FREM3: variants seen among roughly 807,000 people sequenced by gnomAD.
The protein encoded by FREM3 is FRAS1-related extracellular matrix protein 3.
In FREM3, 105 loss-of-function variants were observed where a neutral mutation model predicts 129.1. The ratio of observed to expected loss-of-function variants is 0.81; its 90% confidence interval spans 0.69 to 0.96. The LOEUF (loss-of-function observed/expected upper bound fraction) is 0.96. FREM3 is among the 40% of genes least tolerant of loss of function. FREM3 has a pLI of 0.00. For synonymous variants in FREM3, 1,014 were observed against 1,044.9 expected (o/e 0.97, Z 0.57); for missense variants, 2,593 against 2,666.3 (o/e 0.97, Z 0.61).
chr4:143,666,968 G>A (rs1487200089), intron 2 of FREM3, among the ~76,000 whole-genome samples: 1 of 151,988 alleles, frequency 6.6e-6, no homozygotes, highest in Non-Finnish European at 1.5e-5. Context: ...TATGGTATAT[G>A]AATTATATCT....
At chr4:143,644,327 T>G (rs1739376941) in intron 2 of FREM3, among the ~76,000 whole-genome samples, 2 of 152,174 alleles carry the variant, frequency 1.3e-5, no homozygotes, top group Non-Finnish European at 2.9e-5. Context: ...ATACGTGAGC[T>G]CTTTCCATTT....
chr4:143,620,304 C>T (rs1039827728), intron 5 of FREM3, among the ~76,000 whole-genome samples: 10 of 152,200 alleles, frequency 6.6e-5, no homozygotes, highest in Non-Finnish European at 1.3e-4. Flanking sequence ...CTTTCTCATG[C>T]TTCTGCCTGT....
chr4:143,669,654 C>CG (rs958404280), intron 2 of FREM3, among the ~76,000 whole-genome samples: 2 of 145,332 alleles, frequency 1.4e-5, no homozygotes, highest in African/African-American at 5.1e-5. Context: ...TTTTTCAGTT[C>CG]GGAAAAAAAA....
In FREM3 at chr4:143,663,942, C is replaced by T. The variant is rs1739794876; in HGVS notation, c.5275+29171G>A. Among the ~76,000 whole-genome samples, 3 of 152,102 alleles carry T rather than the reference C, an allele frequency of 2.0e-5. No individual in the cohort carries two copies. In the South Asian group the frequency reaches 6.2e-4, roughly 32 times the overall value. On this transcript the variant is annotated intron_variant, in intron 2 of 7. Transcript: ENST00000329798. Reference sequence around the variant, plus strand: ...CCTTGGCTTTCAGCTCCATCAGCTCCTTTAAGCACTTCTCTGTATTGGTTA... The same window carrying T: ...CCTTGGCTTTCAGCTCCATCAGCTCTTTTAAGCACTTCTCTGTATTGGTTA...
At chr4:143,635,096 G>C (rs946755820) in intron 2 of FREM3, among the ~76,000 whole-genome samples, 8 of 152,158 alleles carry the variant, frequency 5.3e-5, no homozygotes, top group Non-Finnish European at 1.2e-4. Flanking sequence ...CAGGGACTTT[G>C]TGTAGCTGAC....
In FREM3 at chr4:143,660,930, A is replaced by C. The variant is rs558350384; in HGVS notation, c.5275+32183T>G. ...GAATGTTTGTGATTTTTGTACATTG[A>C]TTTTGTATCCTGAGACTTTGCTGAA... is the stretch of plus-strand genomic sequence containing the variant. On this transcript the variant is annotated intron_variant, in intron 2 of 7. Coordinates refer to ENST00000329798, the MANE Select transcript of FREM3 (RefSeq NM_001168235.2). Among the ~76,000 whole-genome samples, 35 of 152,232 alleles carry C rather than the reference A, an allele frequency of 2.3e-4. 1 individual carries two copies. The East Asian group carries it at 3.3e-3, about 14-fold the overall frequency.
intron 2 of FREM3, among the ~76,000 whole-genome samples, chr4:143,692,879 C>T (rs1016220495): frequency 2.0e-5 from 3 of 152,154 alleles, no homozygotes; most frequent in Admixed American, 6.5e-5. Context: ...TCACATTTCA[C>T]TCATCAAATT....
At position 143,699,363 on chromosome 4, in the gene FREM3, T is replaced by C. The variant is rs769403979; in HGVS notation, c.1313A>G (p.Asn438Ser). 7.8e-6 allele frequency: 12 copies of C among 1,537,198 alleles called. No individual in the cohort carries two copies. Among genetic ancestry groups the C allele is most frequent in the Non-Finnish European group, 9.6e-6 (11 of 1,146,932 alleles). Residue 438 changes from asparagine (N) to serine (S), a missense_variant, in exon 1 of 8, where the codon AAC becomes AGC. By Grantham distance (46) the Asn-to-Ser change is conservative (BLOSUM62 1). Transcript: ENST00000329798. This position sits in a 1 kb window ranked among gnomAD's most constrained non-coding sequence, Gnocchi z 4.2. ...MNTLVPVASH[N>S]RGLVLFEGQS... ...ACCTTCAAAAAGCACAAGTCCCCTG[T>C]TATGGCTAGCCACTGGGACCAGAGT...
rs572324281 is a variant in FREM3 at position 143,698,723 on chromosome 4, C to A, written c.1953G>T (p.Met651Ile). The A allele has an allele frequency of 1.2e-5, 18 of 1,537,308 alleles. No individual in the cohort carries two copies. The highest frequency in any genetic ancestry group is 1.1e-4 in the South Asian group (9 of 84,060). Residue 651 changes from methionine (M) to isoleucine (I), a missense_variant, in exon 1 of 8, where the codon ATG becomes ATT. Physicochemically the swap from Met to Ile is conservative, Grantham distance 10. Around this residue, in one of 2 missense-constraint regions of FREM3, gnomAD observed 2,276 missense variants for 2,267.2 expected, o/e 1.00. Coordinates refer to ENST00000329798, the MANE Select transcript of FREM3 (RefSeq NM_001168235.2). ...GATGGCGGTAGAAGAGTCTCCCTTC[C>A]ATTATGTCTCTCTGTAGCCACTCAG... The part of the protein sequence containing the change: ...VVTEWLQRDI[M>I]EGRLFYRHLG...
intron 6 of FREM3, among the ~76,000 whole-genome samples, chr4:143,603,757 T>C (rs571330705): frequency 5.0e-4 from 76 of 152,284 alleles, no homozygotes; most frequent in African/African-American, 1.7e-3. Context: ...CTAAATAATA[T>C]ACTTGTTGAA....
intron 2 of FREM3, among the ~76,000 whole-genome samples, chr4:143,681,525 T>C (rs1369087145): frequency 6.6e-6 from 1 of 152,158 alleles, no homozygotes; most frequent in African/African-American, 2.4e-5. Context: ...GCTTTCATAG[T>C]AACCTTGAAT....
rs750301979 is a variant in FREM3 at position 143,697,873 on chromosome 4, G to T, written c.2803C>A (p.His935Asn). ...GGACTTCTGTTAGCCACATTGGGAT[G>T]CACAGAAATTGGGATGGTGATGGGT... ...HIPITIPISV[H>N]PNVANRSPRI... The change falls in exon 1 of 8, where the codon CAT (histidine) becomes AAT (asparagine). Residue 935 changes from histidine (H) to asparagine (N), a missense_variant. Around this residue, in one of 2 missense-constraint regions of FREM3, gnomAD observed 2,276 missense variants for 2,267.2 expected, o/e 1.00. Coordinates refer to ENST00000329798, the MANE Select transcript of FREM3 (RefSeq NM_001168235.2). 1 of 1,537,850 alleles carries T rather than the reference G, an allele frequency of 6.5e-7. No homozygotes were observed. Among genetic ancestry groups the T allele is most frequent in the South Asian group, 1.2e-5 (1 of 84,052 alleles).
At position 143,612,483 on chromosome 4, in the gene FREM3, T is replaced by G. The variant is rs115781874; in HGVS notation, c.5780-956A>C. On this transcript the variant is annotated intron_variant, in intron 5 of 7. Transcript: ENST00000329798. ...CTATTTACTGGCTGATAATTTGGGTTATTTCTAGTTCTTGGCAATTGTGAG... is the reference window on the plus strand; with the variant it reads ...CTATTTACTGGCTGATAATTTGGGTGATTTCTAGTTCTTGGCAATTGTGAG... Among the ~76,000 whole-genome samples the G allele has an allele frequency of 3.6e-3, 552 of 152,374 alleles. 6 individuals are homozygous for G. Among genetic ancestry groups the G allele is most frequent in the African/African-American group, 0.012 (518 of 41,594 alleles).
At chr4:143,587,771 C>T (rs982711918) in intron 6 of FREM3, among the ~76,000 whole-genome samples, 3 of 152,066 alleles carry the variant, frequency 2.0e-5, no homozygotes, top group Middle Eastern at 3.4e-3. Context: ...TGGGATCTCT[C>T]ACTCCCACAG....
At chr4:143,667,396 A>G (rs1017762252) in intron 2 of FREM3, among the ~76,000 whole-genome samples, 2 of 152,236 alleles carry the variant, frequency 1.3e-5, no homozygotes, top group Non-Finnish European at 2.9e-5. Context: ...TGTTTATTAA[A>G]TTAACATTTC....
chr4:143,621,373 G>A (rs1426072720), intron 4 of FREM3, among the ~76,000 whole-genome samples: 2 of 152,144 alleles, frequency 1.3e-5, no homozygotes, highest in Non-Finnish European at 2.9e-5. Flanking sequence ...TCTTTTGAAA[G>A]GTTAGAAAGG....
At chr4:143,624,032 G>T in intron 4 of FREM3, 76 bp downstream of exon 4, 1 of 804,678 alleles carries the variant, frequency 1.2e-6, no homozygotes, top group Non-Finnish European at 2.0e-6. Context: ...TACAGAGCCT[G>T]AGGGAAGTAT....
Position 143,696,354 on chromosome 4 carries a change from CTG to C in FREM3, c.4320_4321del (p.Arg1441SerfsTer12), listed in dbSNP as rs1324009858. 1 of 1,537,386 alleles carries C rather than the reference CTG, an allele frequency of 6.5e-7. No homozygotes were observed. The highest frequency in any genetic ancestry group is 8.7e-7 in the Non-Finnish European group (1 of 1,146,940). ...AAGCAGATTGTTGGTAAGGGTCACT[CTG>C]GCACCTTCTATCAAGGTGATCCTTT... On this transcript the variant is annotated frameshift_variant, in exon 1 of 8. Transcript: ENST00000329798. LOFTEE classifies it high-confidence loss of function.
intron 2 of FREM3, among the ~76,000 whole-genome samples, chr4:143,663,904 CGTA>C (rs1244011177): frequency 1.3e-5 from 2 of 152,118 alleles, no homozygotes; most frequent in African/African-American, 2.4e-5. Flanking sequence ...GCATTCTTCA[CGTA>C]GTTCTCGAGC....
Sources: allele counts gnomAD v4.1 joint callset (sites outside exome capture counted in the v4.1 genomes callset), GRCh38; gene constraint gnomAD v4.1.1; regional missense constraint gnomAD v4.1.1; non-coding constraint Gnocchi (gnomAD v3.1); transcripts MANE v1.5; gene names NCBI Gene and HGNC (gene_info 2026-07-23, HGNC 2026-07-21).